Variants in DNM3 observed in about 807,000 individuals in gnomAD.
DNM3 encodes dynamin 3.
In DNM3, 47 loss-of-function variants were observed where a neutral mutation model predicts 101.6. That is an observed-to-expected ratio of 0.46 (90% confidence interval 0.37 to 0.59). The LOEUF is 0.59. Among genes scored for constraint, DNM3 ranks in the 20% least tolerant of loss-of-function variants. The pLI, the probability that DNM3 is intolerant of heterozygous loss-of-function variation, is 0.00. For missense variants in DNM3, 849 were observed against 1,085.7 expected (o/e 0.78, Z 3.06); for synonymous variants, 385 against 387.9 (o/e 0.99, Z 0.09).
At chr1:172,091,468 T>C (rs189737626) in intron 12 of DNM3, among the ~76,000 whole-genome samples, 1 of 152,254 alleles carries the variant, frequency 6.6e-6, no homozygotes, top group African/African-American at 2.4e-5. Flanking sequence ...AGGATTTGAA[T>C]GAAGACTTGA....
At chr1:171,890,099 C>T (rs16843483) in intron 1 of DNM3, among the ~76,000 whole-genome samples, 2,210 of 152,172 alleles carry the variant, frequency 0.015, 62 homozygotes, top group African/African-American at 0.048. Context: ...CTTTATTCTC[C>T]GAACCATTTC....
At chr1:172,323,222 T>C in intron 16 of DNM3, 107 bp from the exon 17 acceptor site, 1 of 1,231,120 alleles carries the variant, frequency 8.1e-7, no homozygotes, top group Non-Finnish European at 1.1e-6. Flanking sequence ...AACCTCATTT[T>C]ATTTTTTTTA....
At chr1:172,414,725 T>C (rs1000623458), downstream of DNM3, among the ~76,000 whole-genome samples, 2 of 148,308 alleles carry the variant, frequency 1.3e-5, no homozygotes, top group Non-Finnish European at 3.0e-5. Context: ...TGAGACCAGA[T>C]TGGCAACACA....
intron 2 of DNM3, among the ~76,000 whole-genome samples, chr1:171,948,345 G>A (rs888698354): frequency 1.3e-5 from 2 of 152,210 alleles, no homozygotes; most frequent in Non-Finnish European, 2.9e-5. Flanking sequence ...GATAGGGAAA[G>A]TAGGAGGAGT....
intron 14 of DNM3, among the ~76,000 whole-genome samples, chr1:172,192,133 G>A (rs996465714): frequency 6.6e-6 from 1 of 152,014 alleles, no homozygotes; most frequent in Admixed American, 6.6e-5. Context: ...CTGTGGGTTT[G>A]TCATAAATAG....
intron 13 of DNM3, among the ~76,000 whole-genome samples, chr1:172,110,316 A>T (rs975410475): frequency 2.0e-5 from 3 of 152,166 alleles, no homozygotes; most frequent in African/African-American, 7.2e-5. Flanking sequence ...CCTCAACTGC[A>T]TGTTCCCATA....
chr1:172,391,495 G>A (rs1475294035), intron 20 of DNM3, among the ~76,000 whole-genome samples: 1 of 152,108 alleles, frequency 6.6e-6, no homozygotes, highest in Admixed American at 6.5e-5. Context: ...CAGAAATGGG[G>A]TTTAAGATTT....
At chr1:172,110,444 T>C (rs939413247) in intron 13 of DNM3, among the ~76,000 whole-genome samples, 1 of 152,216 alleles carries the variant, frequency 6.6e-6, no homozygotes, top group African/African-American at 2.4e-5. Flanking sequence ...CACTGCCATA[T>C]TCTGTGTGTC....
At chr1:172,316,330 C>G (rs927783067) in intron 16 of DNM3, among the ~76,000 whole-genome samples, 1 of 151,876 alleles carries the variant, frequency 6.6e-6, no homozygotes, top group African/African-American at 2.4e-5. Flanking sequence ...ACTGCATGAA[C>G]TACTGAGCAA....
intron 13 of DNM3, among the ~76,000 whole-genome samples, chr1:172,114,338 A>G (rs192929827): frequency 6.6e-6 from 1 of 152,212 alleles, no homozygotes; most frequent in East Asian, 1.9e-4. Context: ...TGCGGCTGAA[A>G]CATGTGGCAA....
chr1:172,210,915 G>T (rs996656597), intron 14 of DNM3, among the ~76,000 whole-genome samples: 7 of 152,020 alleles, frequency 4.6e-5, no homozygotes, highest in African/African-American at 1.7e-4. Flanking sequence ...ACATGATAGA[G>T]AAGGAAATAA....
intron 17 of DNM3, among the ~76,000 whole-genome samples, chr1:172,357,108 G>A (rs1273176644): frequency 1.3e-5 from 2 of 151,954 alleles, no homozygotes; most frequent in Non-Finnish European, 2.9e-5. Flanking sequence ...AGGGAAAGCT[G>A]TTCCTCATAA....
chr1:172,213,449 T>C (rs1205014145), intron 14 of DNM3, among the ~76,000 whole-genome samples: 4 of 148,870 alleles, frequency 2.7e-5, no homozygotes, highest in African/African-American at 1.0e-4. Context: ...AATTATGTGA[T>C]GTATATTTCT....
At chr1:172,058,504 C>G in intron 10 of DNM3, among the ~76,000 whole-genome samples, 1 of 151,876 alleles carries the variant, frequency 6.6e-6, no homozygotes, top group Non-Finnish European at 1.5e-5. Context: ...TCTCTCAGAC[C>G]ACAGTGCAAT....
chr1:172,312,000 T>A (rs1383163371), intron 16 of DNM3, among the ~76,000 whole-genome samples: 2 of 152,234 alleles, frequency 1.3e-5, no homozygotes, highest in Non-Finnish European at 2.9e-5. Flanking sequence ...TCATATTACA[T>A]AATTGCTTGA....
chr1:172,096,131 C>T (rs16843841), intron 13 of DNM3, among the ~76,000 whole-genome samples: 2,850 of 152,260 alleles, frequency 0.019, 78 homozygotes, highest in East Asian at 0.13. Context: ...ATCACTTCTG[C>T]AAGAGGCCAG....
At chr1:171,883,841 A>G (rs2036537585) in intron 1 of DNM3, among the ~76,000 whole-genome samples, 1 of 152,180 alleles carries the variant, frequency 6.6e-6, no homozygotes, top group Non-Finnish European at 1.5e-5. Context: ...TAGTGGACTT[A>G]CTCATAAACC....
intron 20 of DNM3, among the ~76,000 whole-genome samples, chr1:172,391,085 G>C (rs2069500211): frequency 6.6e-6 from 1 of 152,200 alleles, no homozygotes; most frequent in Admixed American, 6.5e-5. Flanking sequence ...GAGCTGGATG[G>C]CCGGCACATG....
chr1:172,169,032 A>G (rs763302204), intron 14 of DNM3, among the ~76,000 whole-genome samples: 13 of 151,962 alleles, frequency 8.6e-5, no homozygotes, highest in Non-Finnish European at 1.6e-4. Context: ...TGAAAATAGT[A>G]GTAGTCTTTG....
Sources: allele counts gnomAD v4.1 joint callset (sites outside exome capture counted in the v4.1 genomes callset), GRCh38; gene constraint gnomAD v4.1.1; transcripts MANE v1.5; gene names NCBI Gene and HGNC (gene_info 2026-07-23, HGNC 2026-07-21).